Variants in PRKAA1 observed in about 807,000 individuals in gnomAD.
PRKAA1 encodes the protein protein kinase AMP-activated catalytic subunit alpha 1, also known as 5'-AMP-activated protein kinase catalytic subunit alpha-1.
PRKAA1 carries 23 observed loss-of-function variants against 56.9 expected under a neutral mutation model. That is an observed-to-expected ratio of 0.40 (90% CI 0.29 to 0.57). PRKAA1 has a LOEUF of 0.57. Among genes scored for constraint, PRKAA1 ranks in the 20% least tolerant of loss-of-function variants. The probability of loss-of-function intolerance (pLI) is 0.39; values close to 1 mark genes in which losing one functional copy is unlikely to be tolerated. For missense variants in PRKAA1, 413 were observed against 679.7 expected (o/e 0.61, Z 4.36); for synonymous variants, 226 against 227.0 (o/e 1.00, Z 0.04).
At chr5:40,779,899 A>T (rs1744191070) in intron 1 of PRKAA1, among the ~76,000 whole-genome samples, 1 of 144,372 alleles carries the variant, frequency 6.9e-6, no homozygotes, top group South Asian at 2.3e-4. Context: ...ATATGCAAAA[A>T]AAAAGTGCAT....
chr5:40,790,386 C>A (rs1037121730), intron 1 of PRKAA1, among the ~76,000 whole-genome samples: 6 of 152,152 alleles, frequency 3.9e-5, no homozygotes, highest in African/African-American at 9.7e-5. Context: ...CTCCTTATAC[C>A]CTCACACAGT....
Position 40,773,072 on chromosome 5 carries a change from G to A in PRKAA1, c.364-1209C>T, listed in dbSNP as rs114717741. 6.1e-3 allele frequency among the ~76,000 whole-genome samples: 932 copies of A among 152,246 alleles called. 13 individuals are homozygous for A. Among genetic ancestry groups the A allele is most frequent in the African/African-American group, 0.021 (881 of 41,526 alleles). On this transcript the variant is annotated intron_variant, in intron 3 of 8. Transcript: ENST00000397128. Reference sequence around the variant, plus strand: ...TAAGCTATTAATCCTCTAGGCGAAGGACTCCAATATGCAATTCTCTAACAC... The same window carrying A: ...TAAGCTATTAATCCTCTAGGCGAAGAACTCCAATATGCAATTCTCTAACAC...
intron 1 of PRKAA1, among the ~76,000 whole-genome samples, chr5:40,795,405 AAC>A (rs1182169521): frequency 6.6e-6 from 1 of 152,168 alleles, no homozygotes; most frequent in Non-Finnish European, 1.5e-5. Context: ...TAAAAAATAA[AAC>A]AAATTTTAAA....
Position 40,785,839 on chromosome 5 carries a change from C to CAGAGAG in PRKAA1, c.128-8259_128-8254dup, listed in dbSNP as rs10594859. The stretch of plus-strand genomic sequence containing the variant: ...AGAGGAGAGCACACACACACACACA[C>CAGAGAG]AGAGAGAGAGAGAGAGAGAGAGAGA... On this transcript the variant is annotated intron_variant, in intron 1 of 8. Coordinates refer to ENST00000397128, the MANE Select transcript of PRKAA1 (RefSeq NM_006251.6). Among the ~76,000 whole-genome samples the CAGAGAG allele has an allele frequency of 1.3e-3, 74 of 58,522 alleles. No homozygotes were observed. In the East Asian group the frequency reaches 0.017, roughly 14 times the overall value. The allele number at this position is 58,522 out of a possible 152,430, so 38.4% of individuals were successfully genotyped here.
chr5:40,766,162 T>C (rs1356646146), intron 6 of PRKAA1, among the ~76,000 whole-genome samples: 1 of 152,198 alleles, frequency 6.6e-6, no homozygotes, highest in African/African-American at 2.4e-5. Flanking sequence ...GTCCTTTCCC[T>C]TTGGTGATAA....
intron 1 of PRKAA1, among the ~76,000 whole-genome samples, chr5:40,787,710 A>G (rs1354898517): frequency 2.0e-5 from 3 of 151,884 alleles, no homozygotes; most frequent in African/African-American, 7.3e-5. Flanking sequence ...AAAGATAAAA[A>G]GAAAAAATCC....
chr5:40,760,618 C>A lies in PRKAA1; in HGVS notation c.*2160G>T, dbSNP rs1322739768. ...GTTTTGAACTCATATTTAAATGGAA[C>A]TTCTATTACTTTGTACAGCTTTCAA... On this transcript the variant is annotated 3_prime_UTR_variant, in exon 9 of 9. Transcript: ENST00000397128. The A allele has an allele frequency of 1.3e-5, 2 of 152,718 alleles. No homozygotes were observed. Among genetic ancestry groups the A allele is most frequent in the Non-Finnish European group, 2.9e-5 (2 of 68,006 alleles). The allele number at this position is 152,718 out of a possible 1,614,324, so 9.5% of individuals were successfully genotyped here.
At chr5:40,787,237 G>A (rs949474630) in intron 1 of PRKAA1, among the ~76,000 whole-genome samples, 5 of 151,948 alleles carry the variant, frequency 3.3e-5, no homozygotes, top group South Asian at 4.2e-4. Context: ...AGGCCGAAGC[G>A]GGCATATCAC....
At position 40,775,429 on chromosome 5, in the gene PRKAA1, T is replaced by C. The variant is rs1427249658; in HGVS notation, c.344A>G (p.Tyr115Cys). The change falls in exon 3 of 9, where the codon TAT (tyrosine) becomes TGT (cysteine). Residue 115 changes from tyrosine (Y) to cysteine (C), a missense_variant. By Grantham distance (194) the Tyr-to-Cys change is radical (BLOSUM62 -2). Around this residue, in one of 9 missense-constraint regions of PRKAA1, gnomAD observed 29 missense variants for 44.2 expected, o/e 0.66. Coordinates refer to ENST00000397128, the MANE Select transcript of PRKAA1 (RefSeq NM_006251.6). ...EYVSGGELFD[Y>C]ICKNGRLDEK... ...GCTTACCCTTCCATTCTTACAGATA[T>C]AATCAAATAGCTCTCCTCCTGAGAC... 1.9e-6 allele frequency: 3 copies of C among 1,601,104 alleles called. No individual in the cohort carries two copies. Among genetic ancestry groups the C allele is most frequent in the Non-Finnish European group, 2.6e-6 (3 of 1,168,324 alleles).
intron 1 of PRKAA1, among the ~76,000 whole-genome samples, chr5:40,789,132 G>A (rs529585153): frequency 1.3e-5 from 2 of 150,580 alleles, no homozygotes; most frequent in East Asian, 4.0e-4. Context: ...GATCGCTTGA[G>A]CCCAGGAGGT....
At chr5:40,775,352 T>C in intron 3 of PRKAA1, 58 bp downstream of exon 3, 1 of 1,330,798 alleles carries the variant, frequency 7.5e-7, no homozygotes, top group Non-Finnish European at 1.1e-6. Flanking sequence ...ATTTTGATGC[T>C]AGTAAAGGAT....
chr5:40,770,282 G>GT (rs978661411), intron 4 of PRKAA1, among the ~76,000 whole-genome samples: 1 of 152,042 alleles, frequency 6.6e-6, no homozygotes, highest in African/African-American at 2.4e-5. Flanking sequence ...GGCCAACATA[G>GT]TGATTCCCCA....
rs531952213 is a variant in PRKAA1 at position 40,797,455 on chromosome 5, T to A, written c.127+608A>T. ...TCGCAAATACTGAACCAGTTTATAC[T>A]CATTAACTGCTCCGAAGGAAACCAG... On this transcript the variant is annotated intron_variant, in intron 1 of 8. Coordinates refer to ENST00000397128, the MANE Select transcript of PRKAA1 (RefSeq NM_006251.6). Among the ~76,000 whole-genome samples, 9 of 152,218 alleles carry A rather than the reference T, an allele frequency of 5.9e-5. No homozygotes were observed. The South Asian group carries it at 1.9e-3, about 32-fold the overall frequency.
intron 1 of PRKAA1, among the ~76,000 whole-genome samples, chr5:40,784,730 C>G (rs1485382788): frequency 1.3e-5 from 2 of 152,140 alleles, no homozygotes; most frequent in Non-Finnish European, 2.9e-5. Context: ...CTGACACACT[C>G]TCACCAACCT....
chr5:40,782,377 A>G (rs944416849), intron 1 of PRKAA1, among the ~76,000 whole-genome samples: 2 of 152,188 alleles, frequency 1.3e-5, no homozygotes, highest in Non-Finnish European at 1.5e-5. Flanking sequence ...CATCTCCTAC[A>G]TGCCAGTTAA....
chr5:40,764,678 T>A (rs1743342114), intron 7 of PRKAA1, 38 bp from the exon 8 acceptor site: 1 of 1,605,312 alleles, frequency 6.2e-7, no homozygotes, highest in Non-Finnish European at 8.5e-7. Context: ...TCAAAAGTAA[T>A]TCTTCTATAA....
chr5:40,768,995 C>A, intron 5 of PRKAA1: 2 of 1,193,238 alleles, frequency 1.7e-6, no homozygotes, highest in South Asian at 2.6e-5. Flanking sequence ...TTACTTCAGC[C>A]CAGTTCCCCA....
intron 1 of PRKAA1, among the ~76,000 whole-genome samples, chr5:40,788,960 C>T (rs1744609234): frequency 6.6e-6 from 1 of 152,152 alleles, no homozygotes. Context: ...CCTGTAATCT[C>T]AGCACTTTGG....
chr5:40,770,595 C>CTTT (rs750590564), intron 4 of PRKAA1, among the ~76,000 whole-genome samples: 101 of 111,872 alleles, frequency 9.0e-4, no homozygotes, highest in Non-Finnish European at 1.3e-3. Flanking sequence ...AAAATAAATT[C>CTTT]TTTTTTTTTT....
Sources: allele counts gnomAD v4.1 joint callset (sites outside exome capture counted in the v4.1 genomes callset), GRCh38; gene constraint gnomAD v4.1.1; regional missense constraint gnomAD v4.1.1; transcripts MANE v1.5; gene names NCBI Gene and HGNC (gene_info 2026-07-23, HGNC 2026-07-21).